Variants in KANK1 observed in about 807,000 individuals in gnomAD.
KANK1 encodes the protein KN motif and ankyrin repeat domain-containing protein 1.
KANK1 carries 109 observed loss-of-function variants against 106.2 expected under a neutral mutation model. That is an observed-to-expected ratio of 1.03 (90% CI 0.88 to 1.20). KANK1 has a LOEUF of 1.20. Ranked by LOEUF, KANK1 falls within the 50% of genes most tolerant of loss-of-function variation. The pLI, the probability that KANK1 is intolerant of heterozygous loss-of-function variation, is 0.00. For synonymous variants in KANK1, 873 were observed against 652.2 expected, an observed-to-expected ratio of 1.34 and a Z score of -5.16; for missense variants, 2,399 against 1,710.7, an observed-to-expected ratio of 1.40 and a Z score of -7.10.
intron 1 of KANK1, among the ~76,000 whole-genome samples, chr9:597,825 G>A (rs1283456804): frequency 6.6e-6 from 1 of 151,170 alleles, no homozygotes. Flanking sequence ...CACCACGCCT[G>A]GCTAATTTTT....
At chr9:501,257 C>T (rs2058546075), upstream of KANK1, among the ~76,000 whole-genome samples, 1 of 152,030 alleles carries the variant, frequency 6.6e-6, no homozygotes, top group African/African-American at 2.4e-5. Flanking sequence ...TTTTTAAATC[C>T]GTGGCAAGAA....
At chr9:524,209 T>C (rs371353436) in intron 1 of KANK1, among the ~76,000 whole-genome samples, 44 of 151,964 alleles carry the variant, frequency 2.9e-4, no homozygotes, top group African/African-American at 1.0e-3. Context: ...GTGAAAGTGA[T>C]TGGCTTCAAC....
chr9:522,843 C>T (rs184301330), intron 1 of KANK1, among the ~76,000 whole-genome samples: 2 of 151,830 alleles, frequency 1.3e-5, no homozygotes, highest in South Asian at 2.1e-4. Context: ...TTACTCCTCC[C>T]TTGGTGCTGA....
intron 1 of KANK1, among the ~76,000 whole-genome samples, chr9:561,616 C>T (rs931974647): frequency 6.6e-6 from 1 of 152,228 alleles, no homozygotes; most frequent in Non-Finnish European, 1.5e-5. Flanking sequence ...CAAACTGCTT[C>T]TTACCAGTAA....
At chr9:697,735 C>G (rs1821666758) in intron 2 of KANK1, among the ~76,000 whole-genome samples, 1 of 152,096 alleles carries the variant, frequency 6.6e-6, no homozygotes, top group Non-Finnish European at 1.5e-5. Context: ...TAACTTGTTA[C>G]TATCATTAAT....
chr9:629,744 C>T (rs12338412), intron 1 of KANK1, among the ~76,000 whole-genome samples: 9,070 of 152,040 alleles, frequency 0.06, 738 homozygotes, highest in East Asian at 0.24. Context: ...ACCTTGTATA[C>T]GTATGTAGAG....
Position 732,507 on chromosome 9 carries a change from A to C in KANK1, c.3135A>C (p.Gly1045=). 1 of 1,614,118 alleles carries C rather than the reference A, an allele frequency of 6.2e-7. No individual in the cohort carries two copies. The highest frequency in any genetic ancestry group is 8.5e-7 in the Non-Finnish European group (1 of 1,180,022). The change falls in exon 6 of 12, where the codon GGA becomes GGC. Residue 1045 remains glycine, a synonymous_variant. Coordinates refer to ENST00000382297, the MANE Select transcript of KANK1 (RefSeq NM_015158.5). ...EEEEEDEDTR[G]MAEGHHAVNI... ...AGGAGGAGGATGAAGACACTCGGGG[A>C]ATGGCAGAAGGGCACCATGCAGTTA...
intron 1 of KANK1, among the ~76,000 whole-genome samples, chr9:676,269 T>C (rs560282489): frequency 6.6e-6 from 1 of 152,280 alleles, no homozygotes; most frequent in Admixed American, 6.5e-5. Flanking sequence ...ATGGAGTTGC[T>C]CTGGTCCGAA....
intron 1 of KANK1, among the ~76,000 whole-genome samples, chr9:636,440 C>T (rs1357297651): frequency 6.6e-6 from 1 of 152,138 alleles, no homozygotes; most frequent in Non-Finnish European, 1.5e-5. Context: ...TTGTAAACAT[C>T]TCATTTCTCT....
At chr9:597,031 C>T (rs937029098) in intron 1 of KANK1, among the ~76,000 whole-genome samples, 21 of 151,928 alleles carry the variant, frequency 1.4e-4, no homozygotes, top group Non-Finnish European at 2.8e-4. Flanking sequence ...GCTTCTTTCA[C>T]TTAGTATATT....
At chr9:696,141 G>A (rs944186490) in intron 2 of KANK1, among the ~76,000 whole-genome samples, 2 of 152,066 alleles carry the variant, frequency 1.3e-5, no homozygotes, top group Admixed American at 1.3e-4. Context: ...AAAATTAGCC[G>A]GGCGTGGTGG....
intron 8 of KANK1, 120 bp downstream of exon 8, chr9:738,624 T>C (rs1214170328): frequency 7.8e-6 from 6 of 774,064 alleles, no homozygotes; most frequent in Non-Finnish European, 1.3e-5. Flanking sequence ...TTTTTATTGC[T>C]TTTCCACATG....
At chr9:596,186 G>C (rs1457353434) in intron 1 of KANK1, among the ~76,000 whole-genome samples, 1 of 151,844 alleles carries the variant, frequency 6.6e-6, no homozygotes, top group African/African-American at 2.4e-5. Flanking sequence ...TTGGTGTCAT[G>C]TCAGCATTCA....
rs79437342 is a variant in KANK1 at position 671,623 on chromosome 9, A to AAAAAAAAAAAAAAAAAAAAG, written c.-83-5263_-83-5262insAAAAAAAAAAAAAAAGAAAA. Reference sequence around the variant, plus strand: ...AGAGCGAAACTCCGTCTCAAAAAAAAAAAAGAGTGTACTGGTTAAGTACTG... The same window carrying AAAAAAAAAAAAAAAAAAAAG: ...AGAGCGAAACTCCGTCTCAAAAAAAAAAAAAAAAAAAAAAAAAAAGAAAAGAGTGTACTGGTTAAGTACTG... On this transcript the variant is annotated intron_variant, in intron 1 of 11. Transcript: ENST00000382297. Among the ~76,000 whole-genome samples the AAAAAAAAAAAAAAAAAAAAG allele has an allele frequency of 3.8e-4, 39 of 103,570 alleles. 1 individual carries two copies. The highest frequency in any genetic ancestry group is 1.3e-3 in the East Asian group (4 of 3,124). 67.9% of individuals were successfully genotyped at this position (103,570 alleles called of 152,430 possible). A position where few individuals can be genotyped will look rare whatever the true frequency, so the allele number is the denominator to read the frequency against.
chr9:676,754 C>A, intron 1 of KANK1, 136 bp from the exon 2 acceptor site: 1 of 478,884 alleles, frequency 2.1e-6, no homozygotes, highest in Non-Finnish European at 3.8e-6. Context: ...CAGTCACCTC[C>A]TGGATCTATA....
rs889762654 is a variant in KANK1 at position 730,414 on chromosome 9, G to A, written c.2896+166G>A. On this transcript the variant is annotated intron_variant, in intron 4 of 11. Coordinates refer to ENST00000382297, the MANE Select transcript of KANK1 (RefSeq NM_015158.5). ...TTTAAATAAGGTTACCAAAGAGGCC[G>A]GGCATGGTGGCTCACACCTGTGATC... 17 of 743,834 alleles carry A rather than the reference G, an allele frequency of 2.3e-5. 1 individual carries two copies. Among genetic ancestry groups the A allele is most frequent in the South Asian group, 3.6e-5 (2 of 56,080 alleles). The allele number at this position is 743,834 out of a possible 1,614,324, so 46.1% of individuals were successfully genotyped here.
intron 1 of KANK1, among the ~76,000 whole-genome samples, chr9:605,369 TTTGC>T (rs1211585196): frequency 1.3e-5 from 2 of 151,400 alleles, no homozygotes; most frequent in African/African-American, 4.9e-5. Flanking sequence ...TAGTAAAGCA[TTTGC>T]TTAGCCATAT....
intron 2 of KANK1, among the ~76,000 whole-genome samples, chr9:699,728 A>C (rs1385614573): frequency 6.6e-6 from 1 of 152,166 alleles, no homozygotes; most frequent in African/African-American, 2.4e-5. Flanking sequence ...TGCTTTCTTT[A>C]ATGTTACAAT....
intron 1 of KANK1, among the ~76,000 whole-genome samples, chr9:554,292 C>G (rs534795582): frequency 2.0e-5 from 3 of 152,280 alleles, no homozygotes; most frequent in East Asian, 3.9e-4. Context: ...GATCCAAGAA[C>G]CAGGTGCGCT....
Sources: gnomAD v4.1 joint callset for allele counts (sites outside exome capture counted in the v4.1 genomes callset) on GRCh38, gnomAD v4.1.1 for gene constraint, MANE v1.5 for transcripts, NCBI Gene and HGNC (gene_info 2026-07-23, HGNC 2026-07-21) for gene names.